PTDSS2: variants seen among roughly 807,000 people sequenced by gnomAD.
The protein encoded by PTDSS2 is PSS-2.
Under a neutral mutation model 64.7 loss-of-function variants are expected in PTDSS2, and 41 were observed. The ratio of observed to expected loss-of-function variants is 0.63; its 90% confidence interval spans 0.49 to 0.82. The LOEUF is 0.82. Among genes scored for constraint, PTDSS2 ranks in the 40% least tolerant of loss-of-function variants. The pLI is 0.00. For missense variants in PTDSS2, 485 were observed against 650.0 expected (o/e 0.75, Z 2.76); for synonymous variants, 297 against 277.8 (o/e 1.07, Z -0.69).
intron 11 of PTDSS2, 44 bp downstream of exon 11, chr11:490,112 T>G (rs957447376): frequency 6.4e-7 from 1 of 1,552,120 alleles, no homozygotes; most frequent in Non-Finnish European, 8.7e-7. Context: ...AGGGCCGCTG[T>G]CCGGGTCCCT....
At chr11:473,858 T>C in intron 2 of PTDSS2, 37 bp from the exon 3 acceptor site, 1 of 1,511,926 alleles carries the variant, frequency 6.6e-7, no homozygotes. Context: ...GGGAGAAGCC[T>C]GCACACACTG....
At chr11:452,095 C>T (rs1361924295) in intron 1 of PTDSS2, among the ~76,000 whole-genome samples, 2 of 152,144 alleles carry the variant, frequency 1.3e-5, no homozygotes, top group African/African-American at 2.4e-5. Context: ...ACTGGCTCTT[C>T]TGAGGTCCCG....
intron 2 of PTDSS2, among the ~76,000 whole-genome samples, chr11:468,536 C>G (rs902210537): frequency 6.6e-6 from 1 of 152,244 alleles, no homozygotes; most frequent in Non-Finnish European, 1.5e-5. Flanking sequence ...ATTCCGTGAC[C>G]TTCCTGAAGG....
Position 490,489 on chromosome 11 carries a change from C to A in PTDSS2, c.1371C>A (p.Thr457=), listed in dbSNP as rs765820707. The part of the protein sequence containing the change: ...KWQNKDDQGS[T]VGNGDQHPLG... ...AGAACAAGGATGACCAGGGCAGCAC[C>A]GTCGGCAACGGGGACCAGCACCCAC... Residue 457 remains threonine, a synonymous_variant, in exon 12 of 12, where the codon ACC becomes ACA. Coordinates refer to ENST00000308020, the MANE Select transcript of PTDSS2 (RefSeq NM_030783.3). 3 of 1,613,060 alleles carry A rather than the reference C, an allele frequency of 1.9e-6. No homozygotes were observed. Among genetic ancestry groups the A allele is most frequent in the African/African-American group, 1.3e-5 (1 of 74,930 alleles).
At chr11:453,246 G>A (rs890286734) in intron 1 of PTDSS2, among the ~76,000 whole-genome samples, 1 of 152,162 alleles carries the variant, frequency 6.6e-6, no homozygotes, top group African/African-American at 2.4e-5. Flanking sequence ...AGAGGAAAAC[G>A]TTTAGATCCA....
chr11:463,763 G>A (rs1847013031), intron 2 of PTDSS2: 1 of 151,950 alleles, frequency 6.6e-6, no homozygotes, highest in African/African-American at 2.4e-5. Flanking sequence ...AGCCAGGATG[G>A]TCTCGATCTC....
intron 2 of PTDSS2, among the ~76,000 whole-genome samples, chr11:472,162 GCCAGTGC>G (rs1349682142): frequency 6.6e-6 from 1 of 152,174 alleles, no homozygotes; most frequent in African/African-American, 2.4e-5. Flanking sequence ...GCTTCCCTTG[GCCAGTGC>G]CCATGTTCCT....
chr11:450,739 G>A, intron 1 of PTDSS2, 102 bp downstream of exon 1: 1 of 1,046,478 alleles, frequency 9.6e-7, no homozygotes, highest in African/African-American at 1.7e-5. Context: ...TCGCCGTCTT[G>A]GAGTCCAGGA....
chr11:461,863 C>T lies in PTDSS2; in HGVS notation c.284+1575C>T, dbSNP rs1846901915. On this transcript the variant is annotated intron_variant, in intron 2 of 11. Coordinates refer to ENST00000308020, the MANE Select transcript of PTDSS2 (RefSeq NM_030783.3). This position sits in a 1 kb window ranked among gnomAD's most constrained non-coding sequence, Gnocchi z 4.2. ...CCTGTGGAGGGGCCACCTGGGGACG[C>T]TGGACCTGTGGCTCTGGAGGCAGTG... Among the ~76,000 whole-genome samples the T allele has an allele frequency of 6.6e-6, 1 of 152,194 alleles. No individual in the cohort carries two copies. Among genetic ancestry groups the T allele is most frequent in the Non-Finnish European group, 1.5e-5 (1 of 68,026 alleles).
At chr11:474,807 A>T (rs1248643460) in intron 3 of PTDSS2, among the ~76,000 whole-genome samples, 1 of 152,198 alleles carries the variant, frequency 6.6e-6, no homozygotes, top group Non-Finnish European at 1.5e-5. Context: ...ACAAATAATA[A>T]CCACTGTTAA....
intron 3 of PTDSS2, 92 bp downstream of exon 3, chr11:474,069 T>C (rs1847605213): frequency 9.4e-7 from 1 of 1,063,690 alleles, no homozygotes; most frequent in Non-Finnish European, 1.5e-6. Flanking sequence ...GAGTGTCCTG[T>C]CCTCCCCTCC....
intron 8 of PTDSS2, 40 bp from the exon 9 acceptor site, chr11:489,360 T>TGGGCTGCCTTCCTC (rs1848557005): frequency 6.4e-7 from 1 of 1,559,878 alleles, no homozygotes; most frequent in African/African-American, 1.4e-5. Context: ...CAGGGTTCGG[T>TGGGCTGCCTTCCTC]GGGCTGCCTT....
In PTDSS2 at chr11:464,679, G is replaced by A. The variant is rs770671484; in HGVS notation, c.284+4391G>A. Among the ~76,000 whole-genome samples, 4 of 152,224 alleles carry A rather than the reference G, an allele frequency of 2.6e-5. 1 individual carries two copies. Among genetic ancestry groups the A allele is most frequent in the Non-Finnish European group, 2.9e-5 (2 of 68,034 alleles). On this transcript the variant is annotated intron_variant, in intron 2 of 11. Transcript: ENST00000308020. ...TGGGGAGCTTCCGTTGCGTGGACACGGCACCGTTCACTGATCTGCCTGTAT... is the reference window on the plus strand; with the variant it reads ...TGGGGAGCTTCCGTTGCGTGGACACAGCACCGTTCACTGATCTGCCTGTAT...
At chr11:467,681 C>T (rs1043291178) in intron 2 of PTDSS2, among the ~76,000 whole-genome samples, 3 of 152,130 alleles carry the variant, frequency 2.0e-5, no homozygotes, top group South Asian at 2.1e-4. Context: ...TGCAGTGAGC[C>T]GAGATCGCAA....
At chr11:485,750 G>A (rs1167572957) in intron 4 of PTDSS2, among the ~76,000 whole-genome samples, 8 of 141,740 alleles carry the variant, frequency 5.6e-5, no homozygotes, top group Non-Finnish European at 1.1e-4. Context: ...CTGCGCAGGC[G>A]AGCGTAAACA....
In PTDSS2 at chr11:479,228, C is replaced by CTT; in HGVS notation, c.435+77_435+78dup. Reference sequence around the variant, plus strand: ...CCCCAGGCATGGTGACAAAGGAGGCCTTGCCCACACAGCCCTCGAGTGATG... The same window carrying CTT: ...CCCCAGGCATGGTGACAAAGGAGGCCTTTTGCCCACACAGCCCTCGAGTGATG... On this transcript the variant is annotated intron_variant, in intron 4 of 11. Transcript: ENST00000308020. The surrounding 1 kb of genome is among the most constrained non-coding windows in gnomAD (Gnocchi z 4.2). 8.2e-7 allele frequency: 1 copy of CTT among 1,224,860 alleles called. No individual in the cohort carries two copies. Among genetic ancestry groups the CTT allele is most frequent in the South Asian group, 1.2e-5 (1 of 83,204 alleles). 75.9% of individuals were successfully genotyped at this position (1,224,860 alleles called of 1,614,324 possible). A position where few individuals can be genotyped will look rare whatever the true frequency, so the allele number is the denominator to read the frequency against.
At chr11:485,189 A>G (rs1337600886) in intron 4 of PTDSS2, among the ~76,000 whole-genome samples, 5 of 134,338 alleles carry the variant, frequency 3.7e-5, no homozygotes, top group Admixed American at 7.7e-5. Context: ...AGGCGAGTGT[A>G]AACTGCACAG....
Position 490,418 on chromosome 11 carries a change from A to C in PTDSS2, c.1302-2A>C, listed in dbSNP as rs1351492460. 1 of 1,613,066 alleles carries C rather than the reference A, an allele frequency of 6.2e-7. No homozygotes were observed. The highest frequency in any genetic ancestry group is 8.5e-7 in the Non-Finnish European group (1 of 1,179,946). On this transcript the variant is annotated splice_acceptor_variant, in intron 11 of 11. Coordinates refer to ENST00000308020, the MANE Select transcript of PTDSS2 (RefSeq NM_030783.3). LOFTEE classifies it high-confidence loss of function. ...GTGGTGACGCTGCATCCCGCTCCCC[A>C]GGGACATCACATTGAGGTACAAGGA...
rs1846934539 is a variant in PTDSS2 at position 462,445 on chromosome 11, C to T, written c.284+2157C>T. On this transcript the variant is annotated intron_variant, in intron 2 of 11. Transcript: ENST00000308020. This position sits in a 1 kb window ranked among gnomAD's most constrained non-coding sequence, Gnocchi z 4.5. ...CTTCTCTGAGGTTCTGTTCTGGGGA[C>T]ACTAAACGCGCTCCCAACTCACATT... 6.6e-6 allele frequency among the ~76,000 whole-genome samples: 1 copy of T among 152,220 alleles called. No individual in the cohort carries two copies. Among genetic ancestry groups the T allele is most frequent in the South Asian group, 2.1e-4 (1 of 4,834 alleles).
Sources: gnomAD v4.1 joint callset for allele counts (sites outside exome capture counted in the v4.1 genomes callset) on GRCh38, gnomAD v4.1.1 for gene constraint, Gnocchi (gnomAD v3.1) non-coding constraint, MANE v1.5 for transcripts, NCBI Gene and HGNC (gene_info 2026-07-23, HGNC 2026-07-21) for gene names.